ASPHD1: variants seen among roughly 807,000 people sequenced by gnomAD.
The protein encoded by ASPHD1 is aspartate beta-hydroxylase domain containing 1.
ASPHD1 carries 20 observed loss-of-function variants against 28.3 expected under a neutral mutation model. That is an observed-to-expected ratio of 0.71 (90% CI 0.50 to 1.03). The LOEUF is 1.03. ASPHD1 is among the 50% of genes least tolerant of loss of function. ASPHD1 has a pLI of 0.00. For synonymous variants in ASPHD1, 240 were observed against 221.2 expected (o/e 1.08, Z -0.75); for missense variants, 479 against 524.1 (o/e 0.91, Z 0.84).
chr16:29,908,763 T>C (rs959886548), downstream of ASPHD1, among the ~76,000 whole-genome samples: 1 of 151,424 alleles, frequency 6.6e-6, no homozygotes, highest in African/African-American at 2.4e-5. Context: ...AGTGCAGTGG[T>C]GTGATCATGT....
chr16:29,906,103 G>A (rs2068607990), downstream of ASPHD1: 4 of 420,920 alleles, frequency 9.5e-6, no homozygotes, highest in Non-Finnish European at 1.7e-5. Context: ...AGGGCCTTAT[G>A]TCTTCTCCTA....
At chr16:29,902,932 G>C (rs887337675) in intron 1 of ASPHD1, among the ~76,000 whole-genome samples, 1 of 135,056 alleles carries the variant, frequency 7.4e-6, no homozygotes, top group Non-Finnish European at 1.5e-5. Flanking sequence ...CTGTCACCCA[G>C]GCTGGAGTGC....
At chr16:29,909,997 G>C (rs182603643), downstream of ASPHD1, among the ~76,000 whole-genome samples, 594 of 151,922 alleles carry the variant, frequency 3.9e-3, 3 homozygotes, top group African/African-American at 0.014. Flanking sequence ...TACTTGGGAG[G>C]CTGAGGCAGG....
At chr16:29,906,854 C>T (rs990982984), downstream of ASPHD1, 7 of 1,603,904 alleles carry the variant, frequency 4.4e-6, no homozygotes, top group Non-Finnish European at 5.1e-6. Flanking sequence ...AAGAGGAAGG[C>T]AGGGGGAGGG....
At chr16:29,911,726 C>T (rs1338190787) in intron 3 of ASPHD1, 5 of 1,399,180 alleles carry the variant, frequency 3.6e-6, no homozygotes, top group Non-Finnish European at 3.0e-6. Flanking sequence ...TTGTAGGCCC[C>T]CCGTGTGGCC....
Position 29,900,955 on chromosome 16 carries a change from A to G in ASPHD1, c.-17A>G, listed in dbSNP as rs1342913663. 7 of 1,547,564 alleles carry G rather than the reference A, an allele frequency of 4.5e-6. No individual in the cohort carries two copies. Among genetic ancestry groups the G allele is most frequent in the Non-Finnish European group, 6.1e-6 (7 of 1,144,740 alleles). On this transcript the variant is annotated 5_prime_UTR_variant, in exon 1 of 3. Coordinates refer to ENST00000308748, the MANE Select transcript of ASPHD1 (RefSeq NM_181718.4). ...GAGAGAAAGGGGAGAGAAAGGAGAG[A>G]GGAGGGTTGGAGGTGCATGAAGGAG... is the stretch of plus-strand genomic sequence containing the variant.
downstream of ASPHD1, chr16:29,907,058 G>T (rs549566388): frequency 5.0e-5 from 81 of 1,613,582 alleles, 3 homozygotes; most frequent in South Asian, 8.7e-4. Context: ...GAGTCTCGTA[G>T]ATGAGGATGT....
chr16:29,911,461 T>C (rs2068707974), intron 3 of ASPHD1: 2 of 559,836 alleles, frequency 3.6e-6, no homozygotes, highest in Non-Finnish European at 6.3e-6. Context: ...TGGGTGACAC[T>C]AGGCAAGTTA....
Position 29,900,815 on chromosome 16 carries a change from A to C in ASPHD1, c.-157A>C. On this transcript the variant is annotated 5_prime_UTR_variant, in exon 1 of 3. Transcript: ENST00000308748. ...GAGCGAAAAGCGGGGGTGGGGAGGA[A>C]AGGGGGAGATTGAGGTGGGAGAGAG... 2 of 674,722 alleles carry C rather than the reference A, an allele frequency of 3.0e-6. No homozygotes were observed. Among genetic ancestry groups the C allele is most frequent in the East Asian group, 2.9e-5 (1 of 35,068 alleles). 41.8% of individuals were successfully genotyped at this position (674,722 alleles called of 1,614,324 possible). A position where few individuals can be genotyped will look rare whatever the true frequency, so the allele number is the denominator to read the frequency against.
chr16:29,911,506 A>G, intron 3 of ASPHD1: 1 of 565,804 alleles, frequency 1.8e-6, no homozygotes, highest in Non-Finnish European at 3.1e-6. Context: ...CCTCATCTGT[A>G]AAATGGAGCT....
chr16:29,919,663 G>A (rs978445619), downstream of ASPHD1: 1 of 152,054 alleles, frequency 6.6e-6, no homozygotes, highest in Admixed American at 6.6e-5. Context: ...TTATTGACAT[G>A]TAAAGATGGC....
intron 3 of ASPHD1, chr16:29,911,210 G>C (rs1380528717): frequency 1.3e-6 from 2 of 1,537,938 alleles, no homozygotes; most frequent in Non-Finnish European, 1.8e-6. Flanking sequence ...CAGCGCAGTT[G>C]GCACCCCTCC....
downstream of ASPHD1, among the ~76,000 whole-genome samples, chr16:29,907,352 T>TAC (rs2068631419): frequency 6.6e-6 from 1 of 152,356 alleles, no homozygotes; most frequent in Non-Finnish European, 1.5e-5. Context: ...CCTCTTGGTA[T>TAC]ATTTTTTCAT....
At chr16:29,906,785 A>G, downstream of ASPHD1, 1 of 1,211,242 alleles carries the variant, frequency 8.3e-7, no homozygotes, top group Admixed American at 2.0e-5. Flanking sequence ...CTTGGCCAGC[A>G]GAGCCGGGGC....
chr16:29,910,449 C>A (rs1427656243), downstream of ASPHD1, among the ~76,000 whole-genome samples: 1 of 151,944 alleles, frequency 6.6e-6, no homozygotes, highest in Non-Finnish European at 1.5e-5. Flanking sequence ...TCAAGCAATC[C>A]TCCTGCCTTA....
At chr16:29,906,062 G>C (rs950637095), downstream of ASPHD1, 3 of 519,604 alleles carry the variant, frequency 5.8e-6, no homozygotes, top group Non-Finnish European at 1.0e-5. Flanking sequence ...CCTAACTCCC[G>C]ACTACTTCCT....
At chr16:29,911,214 C>A in intron 3 of ASPHD1, 2 of 1,511,956 alleles carry the variant, frequency 1.3e-6, no homozygotes, top group Non-Finnish European at 1.8e-6. Flanking sequence ...GCAGTTGGCA[C>A]CCCTCCCTCT....
intron 1 of ASPHD1, among the ~76,000 whole-genome samples, chr16:29,902,918 C>T (rs2068567641): frequency 7.8e-6 from 1 of 128,438 alleles, no homozygotes; most frequent in Non-Finnish European, 1.6e-5. Context: ...GACAGGGTCT[C>T]ACTCTGTCAC....
At chr16:29,908,467 C>A (rs1278678388), downstream of ASPHD1, among the ~76,000 whole-genome samples, 1 of 152,120 alleles carries the variant, frequency 6.6e-6, no homozygotes, top group Non-Finnish European at 1.5e-5. Context: ...TCACTGCAAC[C>A]TCCACTTCCC....
Sources: allele counts gnomAD v4.1 joint callset (sites outside exome capture counted in the v4.1 genomes callset), GRCh38; gene constraint gnomAD v4.1.1; transcripts MANE v1.5; gene names NCBI Gene and HGNC (gene_info 2026-07-23, HGNC 2026-07-21).